The following ZNF638 variants were observed in gnomAD, a reference collection of about 807,000 sequenced individuals.
ZNF638 encodes zinc finger protein 638, also known as CTCL tumor antigen se33-1.
ZNF638 carries 46 observed loss-of-function variants against 195.6 expected under a neutral mutation model. The observed-to-expected ratio is 0.24, with a 90% CI of 0.19 to 0.30. The LOEUF (loss-of-function observed/expected upper bound fraction) is 0.30. ZNF638 is among the 10% of genes least tolerant of loss of function. The probability of loss-of-function intolerance (pLI) is 1.00; values close to 1 mark genes in which losing one functional copy is unlikely to be tolerated. For missense variants in ZNF638, 2,440 were observed against 2,325.3 expected, an observed-to-expected ratio of 1.05 and a Z score of -1.01; for synonymous variants, 845 against 772.0, an observed-to-expected ratio of 1.09 and a Z score of -1.57.
chr2:71,378,388 A>G (rs1032757418), intron 8 of ZNF638, among the ~76,000 whole-genome samples: 2 of 152,238 alleles, frequency 1.3e-5, no homozygotes, highest in Admixed American at 6.5e-5. Context: ...GTGGGATAAA[A>G]TCCCATATAG....
chr2:71,372,479 A>G (rs2079331867), intron 8 of ZNF638, among the ~76,000 whole-genome samples: 1 of 152,122 alleles, frequency 6.6e-6, no homozygotes, highest in East Asian at 1.9e-4. Context: ...CCCTTCCTAA[A>G]GTGCACAGAC....
At chr2:71,332,180 C>G (rs1458887643) in intron 1 of ZNF638, among the ~76,000 whole-genome samples, 2 of 152,224 alleles carry the variant, frequency 1.3e-5, no homozygotes, top group East Asian at 1.9e-4. Flanking sequence ...TGCACTGGGC[C>G]GAGGATCGTG....
intron 6 of ZNF638, among the ~76,000 whole-genome samples, chr2:71,367,372 C>T (rs957301154): frequency 1.3e-5 from 2 of 151,074 alleles, no homozygotes; most frequent in Admixed American, 1.3e-4. Context: ...ATCCTCCTGC[C>T]TCAGGCTCCC....
In ZNF638 at chr2:71,365,442, A is replaced by G; in HGVS notation, c.1731A>G (p.Ala577=). The part of the protein sequence containing the change: ...RSVRSSDRKK[A]LEDVVQRSGH... ...TCTTTTTACTAGATAGAAAAAAAGC[A>G]TTAGAAGATGTAGTACAACGATCTG... Residue 577 remains alanine (A), a synonymous_variant, in exon 6 of 28, where the codon GCA becomes GCG. Coordinates refer to ENST00000264447, the MANE Select transcript of ZNF638 (RefSeq NM_014497.5). 2 of 1,594,400 alleles carry G rather than the reference A, an allele frequency of 1.3e-6. No homozygotes were observed. Among genetic ancestry groups the G allele is most frequent in the Non-Finnish European group, 1.7e-6 (2 of 1,173,638 alleles).
chr2:71,404,836 C>T (rs984228634), intron 17 of ZNF638, among the ~76,000 whole-genome samples: 2 of 152,148 alleles, frequency 1.3e-5, no homozygotes, highest in East Asian at 3.9e-4. Flanking sequence ...ATCTCATGTA[C>T]ACACCCTTCA....
At chr2:71,369,057 G>C (rs2079257294) in intron 7 of ZNF638, among the ~76,000 whole-genome samples, 1 of 152,174 alleles carries the variant, frequency 6.6e-6, no homozygotes, top group African/African-American at 2.4e-5. Context: ...AGTTAAGGCT[G>C]GGCGTGTTGG....
chr2:71,407,995 A>T, intron 19 of ZNF638, 127 bp from the exon 20 acceptor site: 1 of 817,990 alleles, frequency 1.2e-6, no homozygotes, highest in Non-Finnish European at 1.8e-6. Flanking sequence ...GTGTACAAAT[A>T]CATGTTTAAG....
chr2:71,423,732 T>C lies in ZNF638; in HGVS notation c.4218T>C (p.Ala1406=), dbSNP rs1452726462. 2.5e-6 allele frequency: 4 copies of C among 1,613,908 alleles called. No individual in the cohort carries two copies. Among genetic ancestry groups the C allele is most frequent in the Non-Finnish European group, 3.4e-6 (4 of 1,180,016 alleles). ...AVIVSSPKAK[A]TVSKTENQKS... The stretch of plus-strand genomic sequence containing the variant: ...TAGTCTCTTCTCCTAAGGCAAAAGC[T>C]ACAGTTTCAAAAACTGAAAATCAGA... Residue 1406 remains alanine (A), a synonymous_variant, in exon 22 of 28, where the codon GCT becomes GCC. Coordinates refer to ENST00000264447, the MANE Select transcript of ZNF638 (RefSeq NM_014497.5).
intron 25 of ZNF638, among the ~76,000 whole-genome samples, chr2:71,429,817 T>G (rs559832844): frequency 1.3e-5 from 2 of 152,350 alleles, no homozygotes; most frequent in African/African-American, 4.8e-5. Context: ...TCCACATGAT[T>G]GGTTACTTTT....
intron 20 of ZNF638, 59 bp from the exon 21 acceptor site, chr2:71,418,543 T>G (rs2080353488): frequency 8.5e-7 from 1 of 1,181,278 alleles, no homozygotes; most frequent in Non-Finnish European, 1.2e-6. Flanking sequence ...ATTGCTTTTA[T>G]AGTTAAATAT....
At chr2:71,428,493 A>T in intron 24 of ZNF638, 54 bp from the exon 25 acceptor site, 1 of 1,497,320 alleles carries the variant, frequency 6.7e-7, no homozygotes, top group Non-Finnish European at 9.1e-7. Flanking sequence ...TGTTTAATTT[A>T]AAGCAATTTA....
chr2:71,433,515 A>T (rs1050307375), intron 27 of ZNF638: 21 of 403,422 alleles, frequency 5.2e-5, no homozygotes, highest in African/African-American at 4.1e-4. Flanking sequence ...CACTAGTCTC[A>T]TATGACACTC....
At chr2:71,426,075 G>C (rs1223051858) in intron 23 of ZNF638, among the ~76,000 whole-genome samples, 1 of 152,184 alleles carries the variant, frequency 6.6e-6, no homozygotes, top group African/African-American at 2.4e-5. Flanking sequence ...GCTTTTAGAA[G>C]TCCAGTAAGT....
chr2:71,343,885 CTTTGGGAGGCTGAGGCG>C (rs2078806925), intron 1 of ZNF638, among the ~76,000 whole-genome samples: 2 of 47,836 alleles, frequency 4.2e-5, no homozygotes, highest in Admixed American at 3.8e-4. Flanking sequence ...AATCCTGGCA[CTTTGGGAGGCTGAGGCG>C]GGTGGATCAC....
At position 71,423,842 on chromosome 2, in the gene ZNF638, C is replaced by T. The variant is rs200685577; in HGVS notation, c.4328C>T (p.Thr1443Ile). The T allele has an allele frequency of 5.1e-5, 82 of 1,614,036 alleles. No individual in the cohort carries two copies. The highest frequency in any genetic ancestry group is 6.9e-5 in the Non-Finnish European group (81 of 1,180,018). The change falls in exon 22 of 28, where the codon ACA becomes ATA. Residue 1443 changes from threonine (T) to isoleucine (I), a missense_variant. Physicochemically the swap from Thr to Ile is moderately conservative, Grantham distance 89 (BLOSUM62 -1). This residue lies in a region of ZNF638 where 1,883 missense variants were observed against 1,739.1 expected (regional missense o/e 1.08). Coordinates refer to ENST00000264447, the MANE Select transcript of ZNF638 (RefSeq NM_014497.5). ...AAGGAATTTGGTCTGCTTAAACCCA[C>T]AAGTGCCAGGTCAGGCTTGGCAGAA... ...SAKEFGLLKP[T>I]SARSGLAESS... is the part of the protein sequence containing the mutation.
intron 8 of ZNF638, chr2:71,373,858 TA>T (rs1336479594): frequency 6.6e-6 from 1 of 152,126 alleles, no homozygotes; most frequent in Non-Finnish European, 1.5e-5. Flanking sequence ...GGTCTCACTC[TA>T]TCACCCAGGC....
At chr2:71,411,440 A>AT (rs1384216775) in intron 20 of ZNF638, among the ~76,000 whole-genome samples, 2 of 123,514 alleles carry the variant, frequency 1.6e-5, no homozygotes, top group African/African-American at 2.9e-5. Flanking sequence ...TGAGTTTTTT[A>AT]TTTTTTTTAT....
At chr2:71,402,997 A>G (rs776569703) in intron 16 of ZNF638, among the ~76,000 whole-genome samples, 2 of 152,204 alleles carry the variant, frequency 1.3e-5, no homozygotes, top group African/African-American at 2.4e-5. Context: ...CGCAGAGCTC[A>G]GTAAATACAC....
chr2:71,378,149 A>C (rs966515014), intron 8 of ZNF638, among the ~76,000 whole-genome samples: 2 of 152,230 alleles, frequency 1.3e-5, no homozygotes, highest in Non-Finnish European at 2.9e-5. Flanking sequence ...CTAAATAATC[A>C]CATTTTTATA....
Sources: allele counts gnomAD v4.1 joint callset (sites outside exome capture counted in the v4.1 genomes callset), GRCh38; gene constraint gnomAD v4.1.1; regional missense constraint gnomAD v4.1.1; transcripts MANE v1.5; gene names NCBI Gene and HGNC (gene_info 2026-07-23, HGNC 2026-07-21).